STX8: variants seen among roughly 807,000 people sequenced by gnomAD.
STX8 encodes the protein syntaxin 8, also known as syntaxin-8.
Under a neutral mutation model 37.5 loss-of-function variants are expected in STX8, and 23 were observed. The ratio of observed to expected loss-of-function variants is 0.61; its 90% CI spans 0.44 to 0.87. STX8 has a LOEUF of 0.87. STX8 is among the 40% of genes least tolerant of loss of function. The pLI, the probability that STX8 is intolerant of heterozygous loss-of-function variation, is 0.00. For synonymous variants in STX8, 115 were observed against 99.1 expected, an observed-to-expected ratio of 1.16 and a Z score of -0.95; for missense variants, 313 against 284.7, an observed-to-expected ratio of 1.10 and a Z score of -0.71.
intron 6 of STX8, among the ~76,000 whole-genome samples, chr17:9,392,200 G>A (rs1320017164): frequency 6.6e-6 from 1 of 152,126 alleles, no homozygotes; most frequent in East Asian, 1.9e-4. Context: ...AAAATGTCCA[G>A]GATACAACGC....
chr17:9,302,574 G>C (rs1256384185), intron 7 of STX8, among the ~76,000 whole-genome samples: 1 of 152,130 alleles, frequency 6.6e-6, no homozygotes, highest in African/African-American at 2.4e-5. Context: ...GTGAGCAGAA[G>C]CGGTGTGGCC....
intron 7 of STX8, among the ~76,000 whole-genome samples, chr17:9,255,168 C>A (rs1314777995): frequency 6.6e-6 from 1 of 152,118 alleles, no homozygotes; most frequent in Non-Finnish European, 1.5e-5. Flanking sequence ...TTTTCTACCA[C>A]AGATGCTGTG....
chr17:9,387,160 T>C (rs1056333878), intron 6 of STX8, among the ~76,000 whole-genome samples: 6 of 152,224 alleles, frequency 3.9e-5, no homozygotes, highest in Admixed American at 1.3e-4. Flanking sequence ...TTTCGAGATC[T>C]TGTGACATCC....
chr17:9,351,522 T>C (rs1910706228), intron 7 of STX8, among the ~76,000 whole-genome samples: 1 of 152,164 alleles, frequency 6.6e-6, no homozygotes, highest in African/African-American at 2.4e-5. Context: ...CAGAATCATA[T>C]CATTGTTAAT....
At position 9,381,968 on chromosome 17, in the gene STX8, TG is replaced by T. The variant is rs750082716; in HGVS notation, c.542-3316del. 1.5e-4 allele frequency among the ~76,000 whole-genome samples: 22 copies of T among 149,170 alleles called. No individual in the cohort carries two copies. In the East Asian group the frequency reaches 2.3e-3, roughly 16 times the overall value. On this transcript the variant is annotated intron_variant, in intron 6 of 7. Transcript: ENST00000306357. ...TGGGTGACAGAGCAAGACTCTGTCTTGGGGGAAAAAACAAACAAACAAACAA... is the reference window on the plus strand; with the variant it reads ...TGGGTGACAGAGCAAGACTCTGTCTTGGGGAAAAAACAAACAAACAAACAA...
chr17:9,337,453 A>C (rs777145931), intron 7 of STX8, among the ~76,000 whole-genome samples: 8 of 152,116 alleles, frequency 5.3e-5, no homozygotes, highest in Non-Finnish European at 1.0e-4. Flanking sequence ...ATCTCAGCTC[A>C]CTGCAACCTC....
At chr17:9,281,723 T>A (rs1431040375) in intron 7 of STX8, among the ~76,000 whole-genome samples, 1 of 152,138 alleles carries the variant, frequency 6.6e-6, no homozygotes, top group Non-Finnish European at 1.5e-5. Flanking sequence ...TACCTGAGGT[T>A]AGGAGTTTGA....
intron 6 of STX8, among the ~76,000 whole-genome samples, chr17:9,463,988 T>C (rs1178105121): frequency 6.6e-6 from 1 of 151,994 alleles, no homozygotes; most frequent in Non-Finnish European, 1.5e-5. Context: ...GGCAAGAGAA[T>C]TGCTTAAACC....
chr17:9,425,271 T>C (rs1163625190), intron 6 of STX8, among the ~76,000 whole-genome samples: 1 of 152,148 alleles, frequency 6.6e-6, no homozygotes, highest in East Asian at 1.9e-4. Flanking sequence ...CAACAAAATC[T>C]CAGTAACGTC....
At chr17:9,419,647 G>C (rs186797414) in intron 6 of STX8, among the ~76,000 whole-genome samples, 1 of 152,314 alleles carries the variant, frequency 6.6e-6, no homozygotes, top group East Asian at 1.9e-4. Context: ...TCTGTTAGCA[G>C]AGTTGGTCAC....
chr17:9,275,710 A>G (rs1907650760), intron 7 of STX8, among the ~76,000 whole-genome samples: 1 of 151,890 alleles, frequency 6.6e-6, no homozygotes, highest in Non-Finnish European at 1.5e-5. Context: ...TCTAGTAAAA[A>G]TACAAAAATT....
intron 6 of STX8, among the ~76,000 whole-genome samples, chr17:9,384,701 T>G (rs74913062): frequency 0.026 from 3,933 of 151,812 alleles, 184 homozygotes; most frequent in African/African-American, 0.09. Context: ...TTACCAAAAT[T>G]CACAATTTAT....
At chr17:9,305,417 A>G (rs1432420317) in intron 7 of STX8, 1 of 152,110 alleles carries the variant, frequency 6.6e-6, no homozygotes, top group Non-Finnish European at 1.5e-5. Flanking sequence ...TAAATATTGT[A>G]AAAAAGACTT....
At chr17:9,341,315 GAGA>G (rs1331396547) in intron 7 of STX8, among the ~76,000 whole-genome samples, 1 of 152,166 alleles carries the variant, frequency 6.6e-6, no homozygotes, top group Non-Finnish European at 1.5e-5. Context: ...AATGAATAAA[GAGA>G]AGGAGGCATG....
At chr17:9,543,642 C>G (rs1353573029) in intron 4 of STX8, among the ~76,000 whole-genome samples, 1 of 152,160 alleles carries the variant, frequency 6.6e-6, no homozygotes, top group Non-Finnish European at 1.5e-5. Context: ...CCTTTGCTCA[C>G]CTGTTCTCTT....
At chr17:9,471,031 C>CCTTTTTTTTTTTTTTTTTT (rs1905834920) in intron 6 of STX8, among the ~76,000 whole-genome samples, 1 of 33,054 alleles carries the variant, frequency 3.0e-5, no homozygotes, top group Non-Finnish European at 5.5e-5. Context: ...CTGCATCCTG[C>CCTTTTTTTTTTTTTTTTTT]TTTTTTTTTT....
chr17:9,352,933 C>T (rs1388716336), intron 7 of STX8, among the ~76,000 whole-genome samples: 2 of 151,606 alleles, frequency 1.3e-5, no homozygotes, highest in Non-Finnish European at 2.9e-5. Flanking sequence ...ACTCTGTTGC[C>T]CAGGCAACAG....
chr17:9,328,576 G>C (rs1432196489), intron 7 of STX8, among the ~76,000 whole-genome samples: 1 of 152,166 alleles, frequency 6.6e-6, no homozygotes, highest in East Asian at 1.9e-4. Context: ...AGAAAGACTT[G>C]ATCACGGGTG....
intron 7 of STX8, among the ~76,000 whole-genome samples, chr17:9,348,401 G>C (rs1318360456): frequency 8.3e-6 from 1 of 120,106 alleles, no homozygotes; most frequent in Non-Finnish European, 1.7e-5. Context: ...CTGGGCAACA[G>C]AGCAAGACTC....
Sources: allele counts gnomAD v4.1 joint callset (sites outside exome capture counted in the v4.1 genomes callset), GRCh38; gene constraint gnomAD v4.1.1; transcripts MANE v1.5; gene names NCBI Gene and HGNC (gene_info 2026-07-23, HGNC 2026-07-21).